The following INSR variants were observed in gnomAD, a reference collection of about 807,000 sequenced individuals.
INSR encodes IR.
INSR carries 67 observed loss-of-function variants against 142.6 expected under a neutral mutation model. The ratio of observed to expected loss-of-function variants is 0.47; its 90% CI spans 0.39 to 0.58. INSR has a LOEUF of 0.58. Ranked by LOEUF, INSR falls within the 20% of genes least tolerant of loss-of-function variation. INSR has a pLI of 0.00. For synonymous variants in INSR, 756 were observed against 743.1 expected (o/e 1.02, Z -0.28); for missense variants, 1,248 against 1,833.2 (o/e 0.68, Z 5.83).
Position 7,261,547 on chromosome 19 carries a change from A to T in INSR, c.652+5798T>A, listed in dbSNP as rs573192386. On this transcript the variant is annotated intron_variant, in intron 2 of 21. Transcript: ENST00000302850. Reference sequence around the variant, plus strand: ...CCTAACCATTTTTTTTTCTTTTTTTAAAAAATGGAGTTTCACTCTGTCGGC... The same window carrying T: ...CCTAACCATTTTTTTTTCTTTTTTTTAAAAATGGAGTTTCACTCTGTCGGC... 4.0e-3 allele frequency among the ~76,000 whole-genome samples: 594 copies of T among 146,878 alleles called. 3 individuals are homozygous for T. The highest frequency in any genetic ancestry group is 0.014 in the African/African-American group (551 of 40,778).
chr19:7,240,811 AT>A (rs1463395201), intron 2 of INSR, among the ~76,000 whole-genome samples: 2 of 152,208 alleles, frequency 1.3e-5, no homozygotes, highest in Non-Finnish European at 2.9e-5. Context: ...AAAATATTGT[AT>A]ACAATTACCT....
At chr19:7,199,688 C>G (rs1974899271) in intron 2 of INSR, among the ~76,000 whole-genome samples, 1 of 149,994 alleles carries the variant, frequency 6.7e-6, no homozygotes, top group Non-Finnish European at 1.5e-5. Context: ...CGTGAGGAAC[C>G]CAGCCTGGCT....
At chr19:7,187,914 G>C (rs1321438613) in intron 2 of INSR, among the ~76,000 whole-genome samples, 1 of 152,082 alleles carries the variant, frequency 6.6e-6, no homozygotes, top group Non-Finnish European at 1.5e-5. Flanking sequence ...CCGTCTCCCA[G>C]ACGAGACAGT....
chr19:7,246,180 T>A (rs1976532076), intron 2 of INSR, among the ~76,000 whole-genome samples: 1 of 152,086 alleles, frequency 6.6e-6, no homozygotes, highest in Non-Finnish European at 1.5e-5. Context: ...GGCCACAAAT[T>A]CTTCCTCTTC....
chr19:7,234,366 C>T (rs1976092040), intron 2 of INSR, among the ~76,000 whole-genome samples: 1 of 152,038 alleles, frequency 6.6e-6, no homozygotes, highest in Non-Finnish European at 1.5e-5. Context: ...GCCACTACAC[C>T]CAATTAATTT....
chr19:7,249,808 G>C (rs12459862), intron 2 of INSR, among the ~76,000 whole-genome samples: 37,382 of 151,890 alleles, frequency 0.25, 4,778 homozygotes, highest in African/African-American at 0.29. Flanking sequence ...CTGGCTAACA[G>C]GGTGAAACCC....
At chr19:7,226,364 C>T (rs1463238248) in intron 2 of INSR, among the ~76,000 whole-genome samples, 5 of 137,588 alleles carry the variant, frequency 3.6e-5, no homozygotes, top group African/African-American at 5.4e-5. Flanking sequence ...GAGCCAAGAT[C>T]GCACCACTGC....
chr19:7,293,694 A>C (rs1007106154), intron 1 of INSR, 98 bp downstream of exon 1: 2 of 972,938 alleles, frequency 2.1e-6, no homozygotes, highest in Non-Finnish European at 2.6e-6. Flanking sequence ...GCCCCTGGGG[A>C]GGGTTCTCAG....
At position 7,150,526 on chromosome 19, in the gene INSR, G is replaced by A. The variant is rs1284682189; in HGVS notation, c.2238C>T (p.Thr746=). 36 of 1,614,032 alleles carry A rather than the reference G, an allele frequency of 2.2e-5. No homozygotes were observed. The highest frequency in any genetic ancestry group is 2.7e-5 in the Non-Finnish European group (32 of 1,180,020). Reference sequence around the variant, plus strand: ...GGTCCTCGGCACCAGTGCCTGAAGAGGTTTTTCTGTGGAAACAAAACCAAC... The same window carrying A: ...GGTCCTCGGCACCAGTGCCTGAAGAAGTTTTTCTGTGGAAACAAAACCAAC... The part of the protein sequence containing the change: ...LHNVVFVPRK[T]SSGTGAEDPR... Residue 746 remains threonine (T), a synonymous_variant, in exon 11 of 22, where the codon ACC becomes ACT. Coordinates refer to ENST00000302850, the MANE Select transcript of INSR (RefSeq NM_000208.4). This position sits in a 1 kb window ranked among gnomAD's most constrained non-coding sequence, Gnocchi z 4.2.
intron 2 of INSR, among the ~76,000 whole-genome samples, chr19:7,239,258 C>T (rs879679887): frequency 2.0e-5 from 3 of 152,160 alleles, no homozygotes; most frequent in Admixed American, 6.6e-5. Context: ...CTCTTTGTGA[C>T]GTTGCCAATG....
At chr19:7,215,331 G>A (rs888022964) in intron 2 of INSR, among the ~76,000 whole-genome samples, 1 of 151,990 alleles carries the variant, frequency 6.6e-6, no homozygotes, top group African/African-American at 2.4e-5. Flanking sequence ...TTGTGTCACT[G>A]TCTATATCTG....
rs1308936026 is a variant in INSR at position 7,159,872 on chromosome 19, T to A, written c.2029+3160A>T. ...TCAGGGCCAGAGCCAAGAGCAAATG[T>A]TGAGCTCCTGGCCTCAGCCACACCT... On this transcript the variant is annotated intron_variant, in intron 9 of 21. Coordinates refer to ENST00000302850, the MANE Select transcript of INSR (RefSeq NM_000208.4). The surrounding 1 kb of genome is among the most constrained non-coding windows in gnomAD (Gnocchi z 4.3). Among the ~76,000 whole-genome samples the A allele has an allele frequency of 6.6e-6, 1 of 152,206 alleles. No individual in the cohort carries two copies. The highest frequency in any genetic ancestry group is 1.9e-4 in the East Asian group (1 of 5,198).
At chr19:7,138,299 A>C (rs1972988791) in intron 13 of INSR, among the ~76,000 whole-genome samples, 1 of 152,090 alleles carries the variant, frequency 6.6e-6, no homozygotes, top group Non-Finnish European at 1.5e-5. Context: ...GGGGATAACA[A>C]CACAAACGAA....
At chr19:7,191,932 A>G (rs202133339) in intron 2 of INSR, among the ~76,000 whole-genome samples, 1 of 83,706 alleles carries the variant, frequency 1.2e-5, no homozygotes, top group East Asian at 7.0e-4. Context: ...GAAGGAGGGA[A>G]GGAAGGAAGG....
intron 6 of INSR, among the ~76,000 whole-genome samples, chr19:7,169,576 C>CAAAAAAA (rs74174872): frequency 0.01 from 980 of 94,704 alleles, 15 homozygotes; most frequent in African/African-American, 0.034. Flanking sequence ...GACTCTGTCC[C>CAAAAAAA]AAAAAAAAAA....
intron 11 of INSR, 93 bp from the exon 12 acceptor site, chr19:7,143,183 A>C (rs1378306171): frequency 7.0e-7 from 1 of 1,423,546 alleles, no homozygotes; most frequent in Non-Finnish European, 9.8e-7. Context: ...ATTAAGAAGA[A>C]AGATCAGAGC....
At chr19:7,152,997 C>T (rs796249466) in intron 9 of INSR, 70 bp from the exon 10 acceptor site, 1 of 692,366 alleles carries the variant, frequency 1.4e-6, no homozygotes. Flanking sequence ...ACACACACAC[C>T]CCACACACAC....
At position 7,219,485 on chromosome 19, in the gene INSR, GA is replaced by G. The variant is rs1405773540; in HGVS notation, c.653-34849del. On this transcript the variant is annotated intron_variant, in intron 2 of 21. Coordinates refer to ENST00000302850, the MANE Select transcript of INSR (RefSeq NM_000208.4). ...GAGAGAGAGAGAAAAGGGAGGGAGG[GA>G]AGGAAGGAAGGAGGGAGGGAGGGAA... 3.1e-4 allele frequency among the ~76,000 whole-genome samples: 42 copies of G among 136,742 alleles called. No individual in the cohort carries two copies. The East Asian group carries it at 7.0e-3, about 23-fold the overall frequency. 89.7% of individuals were successfully genotyped at this position (136,742 alleles called of 152,430 possible). A position where few individuals can be genotyped will look rare whatever the true frequency, so the allele number is the denominator to read the frequency against.
chr19:7,260,969 C>T (rs1177992866), intron 2 of INSR, among the ~76,000 whole-genome samples: 2 of 151,848 alleles, frequency 1.3e-5, no homozygotes, highest in African/African-American at 4.8e-5. Context: ...CTCACTGCGA[C>T]CTCCGCCCCC....
Sources: gnomAD v4.1 joint callset for allele counts (sites outside exome capture counted in the v4.1 genomes callset) on GRCh38, gnomAD v4.1.1 for gene constraint, Gnocchi (gnomAD v3.1) non-coding constraint, MANE v1.5 for transcripts, NCBI Gene and HGNC (gene_info 2026-07-23, HGNC 2026-07-21) for gene names.